The following STAG1 variants were observed in gnomAD, a reference collection of about 807,000 sequenced individuals.
STAG1 encodes the protein STAG1 cohesin complex component, also known as cohesin subunit SA-1.
STAG1 carries 26 observed loss-of-function variants against 170.9 expected under a neutral mutation model. The ratio of observed to expected loss-of-function variants is 0.15; its 90% CI spans 0.11 to 0.21. The LOEUF (loss-of-function observed/expected upper bound fraction) is 0.21, where lower values mean the gene tolerates loss of function less well. Among genes scored for constraint, STAG1 ranks in the 10% least tolerant of loss-of-function variants. The pLI, the probability that STAG1 is intolerant of heterozygous loss-of-function variation, is 1.00. For synonymous variants in STAG1, 514 were observed against 497.7 expected, an observed-to-expected ratio of 1.03 and a Z score of -0.44; for missense variants, 964 against 1,509.5, an observed-to-expected ratio of 0.64 and a Z score of 5.99.
At chr3:136,341,609 G>A in intron 30 of STAG1, 58 bp from the exon 31 acceptor site, 4 of 1,179,356 alleles carry the variant, frequency 3.4e-6, no homozygotes, top group Non-Finnish European at 5.0e-6. Flanking sequence ...TAGCTAATGA[G>A]CCCCAAGCTA....
At chr3:136,504,505 T>C (rs1174911151) in intron 7 of STAG1, among the ~76,000 whole-genome samples, 1 of 152,212 alleles carries the variant, frequency 6.6e-6, no homozygotes, top group Admixed American at 6.5e-5. Flanking sequence ...TATATTGGAC[T>C]ACACTATGAA....
chr3:136,596,637 T>C (rs1938441277), intron 4 of STAG1, among the ~76,000 whole-genome samples: 2 of 152,222 alleles, frequency 1.3e-5, no homozygotes, highest in Non-Finnish European at 2.9e-5. Flanking sequence ...TAAATAACCT[T>C]AAGTATATTT....
In STAG1 at chr3:136,363,475, GGAAA is replaced by G; in HGVS notation, c.2686-12_2686-9del. ...ACCATAGTCATTGTAATACTGTGAGGGAAAGAAAGAAAACATGGCTTTAAAATTA... is the reference window on the plus strand; with the variant it reads ...ACCATAGTCATTGTAATACTGTGAGGGAAAGAAAACATGGCTTTAAAATTA... On this transcript the variant is annotated splice_polypyrimidine_tract_variant and intron_variant, in intron 25 of 33. Transcript: ENST00000383202. 7.7e-7 allele frequency: 1 copy of G among 1,300,934 alleles called. No homozygotes were observed. Among genetic ancestry groups the G allele is most frequent in the Non-Finnish European group, 1.1e-6 (1 of 937,110 alleles). The allele number at this position is 1,300,934 out of a possible 1,614,324, so 80.6% of individuals were successfully genotyped here.
intron 30 of STAG1, among the ~76,000 whole-genome samples, chr3:136,341,827 C>T (rs988720685): frequency 2.6e-5 from 4 of 152,192 alleles, no homozygotes; most frequent in East Asian, 1.9e-4. Context: ...GGGCTGGTGC[C>T]GCACTCACAG....
chr3:136,355,368 A>G (rs1395070820), intron 28 of STAG1, among the ~76,000 whole-genome samples: 1 of 150,004 alleles, frequency 6.7e-6, no homozygotes, highest in East Asian at 1.9e-4. Context: ...AAAAAAAAAA[A>G]AAAAAAAAAA....
At chr3:136,450,892 G>A (rs776681771) in intron 14 of STAG1, among the ~76,000 whole-genome samples, 2 of 152,068 alleles carry the variant, frequency 1.3e-5, no homozygotes, top group Admixed American at 6.6e-5. Context: ...GTGATTAGGT[G>A]TGCGCCACCA....
chr3:136,489,549 A>T (rs960921518), intron 9 of STAG1, among the ~76,000 whole-genome samples: 9 of 152,212 alleles, frequency 5.9e-5, no homozygotes, highest in Non-Finnish European at 1.0e-4. Flanking sequence ...ACAGGGAGAA[A>T]TAATTATGAA....
intron 28 of STAG1, among the ~76,000 whole-genome samples, chr3:136,352,878 A>G (rs112279340): frequency 6.8e-4 from 104 of 152,342 alleles, no homozygotes; most frequent in African/African-American, 2.4e-3. Context: ...TTTGACTTAC[A>G]ATATTTTAAA....
chr3:136,505,622 AG>A (rs1933719201), intron 7 of STAG1, among the ~76,000 whole-genome samples: 1 of 152,238 alleles, frequency 6.6e-6, no homozygotes, highest in Non-Finnish European at 1.5e-5. Flanking sequence ...CTAACAATCC[AG>A]CATATACTGA....
In STAG1 at chr3:136,629,859, A is replaced by C. The variant is rs115389891; in HGVS notation, c.29+1011T>G. Among the ~76,000 whole-genome samples, 1,091 of 152,296 alleles carry C rather than the reference A, an allele frequency of 7.2e-3. 20 individuals are homozygous for C. The highest frequency in any genetic ancestry group is 0.024 in the African/African-American group (983 of 41,578). ...TCATGATAAAAGCTATGAAAGGAAC[A>C]ATATCTGCCATTCCTGTGATCACAT... On this transcript the variant is annotated intron_variant, in intron 2 of 33. Coordinates refer to ENST00000383202, the MANE Select transcript of STAG1 (RefSeq NM_005862.3).
At chr3:136,657,474 G>A (rs1455110429) in intron 1 of STAG1, among the ~76,000 whole-genome samples, 2 of 152,066 alleles carry the variant, frequency 1.3e-5, no homozygotes, top group African/African-American at 2.4e-5. Context: ...ACAGGCATAA[G>A]CCACCACACC....
chr3:136,607,535 T>C (rs1254342192), intron 3 of STAG1, among the ~76,000 whole-genome samples: 1 of 152,200 alleles, frequency 6.6e-6, no homozygotes, highest in Non-Finnish European at 1.5e-5. Flanking sequence ...CCTGAGTAGC[T>C]GGGATTACAG....
intron 5 of STAG1, among the ~76,000 whole-genome samples, chr3:136,558,498 T>C (rs1267129862): frequency 6.6e-6 from 1 of 152,252 alleles, no homozygotes; most frequent in Non-Finnish European, 1.5e-5. Flanking sequence ...GAGAAAATTC[T>C]CATGGTTAAC....
At chr3:136,747,063 T>A (rs1934969197) in intron 1 of STAG1, among the ~76,000 whole-genome samples, 1 of 123,204 alleles carries the variant, frequency 8.1e-6, no homozygotes, top group Non-Finnish European at 1.6e-5. Context: ...ACCACTGCAC[T>A]CCAGCCTGGG....
intron 1 of STAG1, among the ~76,000 whole-genome samples, chr3:136,633,847 G>C (rs1453985371): frequency 6.7e-6 from 1 of 150,032 alleles, no homozygotes; most frequent in African/African-American, 2.4e-5. Context: ...AAACTGGCCA[G>C]GCACAGTAGC....
intron 13 of STAG1, among the ~76,000 whole-genome samples, chr3:136,462,230 G>C (rs572301948): frequency 1.3e-5 from 2 of 152,252 alleles, no homozygotes; most frequent in East Asian, 1.9e-4. Context: ...ATATCAAAGA[G>C]ATATCTGCAC....
chr3:136,550,371 G>A (rs925319732), intron 5 of STAG1, among the ~76,000 whole-genome samples: 2 of 151,216 alleles, frequency 1.3e-5, no homozygotes, highest in Non-Finnish European at 1.5e-5. Flanking sequence ...ACAGTGGCGC[G>A]ATCTTGGCTC....
At chr3:136,376,013 T>TAAAATAAAATAAAATAAAATAA (rs1163167497) in intron 23 of STAG1, among the ~76,000 whole-genome samples, 11 of 15,732 alleles carry the variant, frequency 7.0e-4, no homozygotes, top group South Asian at 3.3e-3. Flanking sequence ...AATAAATAAT[T>TAAAATAAAATAAAATAAAATAA]AACAAAATAA....
At chr3:136,372,976 C>G (rs1447516080) in intron 23 of STAG1, among the ~76,000 whole-genome samples, 1 of 152,082 alleles carries the variant, frequency 6.6e-6, no homozygotes, top group Non-Finnish European at 1.5e-5. Context: ...TCCATCTGGT[C>G]CTGGACTTTT....
Sources: gnomAD v4.1 joint callset for allele counts (sites outside exome capture counted in the v4.1 genomes callset) on GRCh38, gnomAD v4.1.1 for gene constraint, MANE v1.5 for transcripts, NCBI Gene and HGNC (gene_info 2026-07-23, HGNC 2026-07-21) for gene names.